Variants in PLEKHS1 observed in about 807,000 individuals in gnomAD.
PLEKHS1 encodes pleckstrin homology domain containing S1.
In PLEKHS1, 55 loss-of-function variants were observed where a neutral mutation model predicts 51.0. The ratio of observed to expected loss-of-function variants is 1.08; its 90% CI spans 0.87 to 1.35. The LOEUF is 1.35. Ranked by LOEUF, PLEKHS1 falls within the 40% of genes most tolerant of loss-of-function variation. PLEKHS1 has a pLI of 0.00. For missense variants in PLEKHS1, 398 were observed against 423.0 expected (o/e 0.94, Z 0.52); for synonymous variants, 153 against 144.8 (o/e 1.06, Z -0.41).
intron 11 of PLEKHS1, chr10:113,777,196 T>C (rs1162894634): frequency 1.2e-6 from 2 of 1,612,834 alleles, no homozygotes; most frequent in Admixed American, 3.3e-5. Context: ...TGGCAGTGAA[T>C]GACCTGAAAC....
At position 113,778,616 on chromosome 10, in the gene PLEKHS1, C is replaced by A. The variant is rs570586943; in HGVS notation, c.*-1986C>A. ...TCTAAGATATATAACTAGTTAGTGG[C>A]AGGGCAAGTACACATTCGTTCACTT... On this transcript the variant is annotated intron_variant, in intron 11 of 11. Transcript: ENST00000361048. 2.0e-5 allele frequency among the ~76,000 whole-genome samples: 3 copies of A among 149,798 alleles called. No homozygotes were observed. The East Asian group carries it at 5.9e-4, about 29-fold the overall frequency.
intron 6 of PLEKHS1, 22 bp from the exon 7 acceptor site, chr10:113,769,762 T>C: frequency 6.6e-7 from 1 of 1,507,822 alleles, no homozygotes; most frequent in African/African-American, 1.4e-5. Context: ...GTGCCCTGAC[T>C]GATTCCTTTT....
intron 7 of PLEKHS1, chr10:113,771,189 A>G (rs1290919630): frequency 2.0e-5 from 3 of 152,238 alleles, no homozygotes; most frequent in Non-Finnish European, 4.4e-5. Flanking sequence ...ATACTATCAT[A>G]TGATCAACAC....
intron 2 of PLEKHS1, among the ~76,000 whole-genome samples, chr10:113,762,829 G>T (rs1844002204): frequency 6.6e-6 from 1 of 151,852 alleles, no homozygotes; most frequent in Non-Finnish European, 1.5e-5. Context: ...AGTTAAAGTT[G>T]GTTGGTAGTG....
At chr10:113,777,606 C>T (rs1047317966) in intron 11 of PLEKHS1, 11 of 1,545,760 alleles carry the variant, frequency 7.1e-6, no homozygotes, top group Non-Finnish European at 9.6e-6. Flanking sequence ...AAAATTATGA[C>T]TAATGATGGT....
intron 2 of PLEKHS1, among the ~76,000 whole-genome samples, chr10:113,763,480 A>G (rs924639206): frequency 6.6e-6 from 1 of 151,982 alleles, no homozygotes; most frequent in African/African-American, 2.4e-5. Context: ...TCATATTGTT[A>G]TTTATTTTCT....
At chr10:113,771,581 A>G (rs1039041917) in intron 7 of PLEKHS1, among the ~76,000 whole-genome samples, 2 of 150,374 alleles carry the variant, frequency 1.3e-5, no homozygotes, top group African/African-American at 4.9e-5. Flanking sequence ...AGGCTGAGGC[A>G]GGAGAATCAC....
intron 5 of PLEKHS1, 74 bp downstream of exon 5, chr10:113,767,553 T>C: frequency 7.0e-7 from 1 of 1,423,850 alleles, no homozygotes. Context: ...AAACATTTTA[T>C]ACCAATAAAC....
chr10:113,762,595 T>C (rs916459060), intron 2 of PLEKHS1, among the ~76,000 whole-genome samples: 15 of 151,984 alleles, frequency 9.9e-5, no homozygotes, highest in African/African-American at 3.6e-4. Context: ...ATTTTTTAAA[T>C]TTAGAGATTA....
In PLEKHS1 at chr10:113,765,092, T is replaced by G. The variant is rs925644561; in HGVS notation, c.29-1319T>G. On this transcript the variant is annotated intron_variant, in intron 2 of 11. Coordinates refer to ENST00000361048, the Ensembl canonical transcript of PLEKHS1. ...TTCTCATTATTGATCATGTTTTCCT[T>G]CCTCTTTGTATGCCTGGTAAACTTT... is the stretch of plus-strand genomic sequence containing the variant. 8 of 338,922 alleles carry G rather than the reference T, an allele frequency of 2.4e-5. No homozygotes were observed. The Admixed American group carries it at 3.1e-4, about 13-fold the overall frequency. 21.0% of individuals were successfully genotyped at this position (338,922 alleles called of 1,614,324 possible). A position where few individuals can be genotyped will look rare whatever the true frequency, so the allele number is the denominator to read the frequency against.
At chr10:113,780,482 A>C in intron 11 of PLEKHS1, 120 bp from the exon 13 acceptor site, 3 of 901,576 alleles carry the variant, frequency 3.3e-6, no homozygotes, top group South Asian at 1.5e-5. Context: ...CAGATATTAC[A>C]GTTCACTGCA....
At chr10:113,758,517 G>C (rs1395471275) in intron 2 of PLEKHS1, among the ~76,000 whole-genome samples, 1 of 152,124 alleles carries the variant, frequency 6.6e-6, no homozygotes, top group Admixed American at 6.6e-5. Flanking sequence ...CTGTCACCCA[G>C]GCTTTGTTGT....
intron 11 of PLEKHS1, chr10:113,777,891 A>G: frequency 1.3e-6 from 1 of 766,044 alleles, no homozygotes; most frequent in African/African-American, 1.8e-5. Context: ...TCGGAAGGCC[A>G]AGGCAGGAGA....
chr10:113,769,726 C>A, intron 6 of PLEKHS1, 58 bp from the exon 7 acceptor site: 1 of 1,061,890 alleles, frequency 9.4e-7, no homozygotes, highest in South Asian at 1.3e-5. Flanking sequence ...GAGAGGCTGC[C>A]GTTTCATTCC....
exon 12 of PLEKHS1, chr10:113,781,067 G>A (rs1457643150): frequency 7.2e-6 from 3 of 414,808 alleles, no homozygotes; most frequent in Admixed American, 3.5e-5. Context: ...TGTAATACAT[G>A]CTGTGTTCTG....
chr10:113,780,041 T>C (rs1227523292), intron 11 of PLEKHS1, among the ~76,000 whole-genome samples: 1 of 152,186 alleles, frequency 6.6e-6, no homozygotes, highest in African/African-American at 2.4e-5. Context: ...AGAACAGCCA[T>C]TGGCCCTTGA....
At chr10:113,759,507 G>A (rs1843822457) in intron 2 of PLEKHS1, among the ~76,000 whole-genome samples, 2 of 152,158 alleles carry the variant, frequency 1.3e-5, no homozygotes, top group South Asian at 4.1e-4. Context: ...ATTTATTAGA[G>A]TTTAACATAA....
chr10:113,769,827 G>A, exon 7 of PLEKHS1: 1 of 1,613,974 alleles, frequency 6.2e-7, no homozygotes, highest in Non-Finnish European at 8.5e-7. Context: ...TTCTACTCCA[G>A]CCCTCTCCTT....
chr10:113,755,149 C>G, intron 1 of PLEKHS1, 110 bp from the exon 2 acceptor site: 2 of 1,237,098 alleles, frequency 1.6e-6, no homozygotes, highest in Non-Finnish European at 2.2e-6. Flanking sequence ...CACAACCCAT[C>G]TCAGCAACAT....
Sources: allele counts gnomAD v4.1 joint callset (sites outside exome capture counted in the v4.1 genomes callset), GRCh38; gene constraint gnomAD v4.1.1; transcripts MANE v1.5; gene names NCBI Gene and HGNC (gene_info 2026-07-23, HGNC 2026-07-21).